The following CHLSN variants were observed in gnomAD, a reference collection of about 807,000 sequenced individuals.
CHLSN encodes the protein cholesin.
the CHLSN span, among the ~76,000 whole-genome samples, chr7:1,038,452 C>T: frequency 3.7e-5 from 3 of 81,228 alleles, no homozygotes; most frequent in Admixed American, 1.0e-4. Context: ...CCCCCCAACC[C>T]GGCCAGCCGC....
At chr7:1,100,925 C>T in the CHLSN span, among the ~76,000 whole-genome samples, 1 of 152,228 alleles carries the variant, frequency 6.6e-6, no homozygotes, top group Non-Finnish European at 1.5e-5. Context: ...CAGACGCAGG[C>T]ACAGAGCCCC....
chr7:1,020,038 G>A, the CHLSN span, among the ~76,000 whole-genome samples: 1 of 152,204 alleles, frequency 6.6e-6, no homozygotes, highest in Non-Finnish European at 1.5e-5. Flanking sequence ...GCAGGTGGCC[G>A]GCCCGTCCCC....
chr7:981,780 C>T, the CHLSN span, among the ~76,000 whole-genome samples: 1 of 152,124 alleles, frequency 6.6e-6, no homozygotes, highest in South Asian at 2.1e-4. Context: ...GCAATCCCAA[C>T]ACTTTGGGAG....
At chr7:1,131,042 T>C in the CHLSN span, among the ~76,000 whole-genome samples, 4 of 151,820 alleles carry the variant, frequency 2.6e-5, no homozygotes, top group African/African-American at 9.7e-5. Context: ...TTTTTAAAAA[T>C]TGGCTACGCT....
At chr7:999,716 C>T in the CHLSN span, among the ~76,000 whole-genome samples, 147 of 152,352 alleles carry the variant, frequency 9.6e-4, no homozygotes, top group African/African-American at 3.4e-3. Flanking sequence ...GAGAAAACCG[C>T]CCCCTGCCCC....
chr7:1,091,451 C>T, the CHLSN span: 2 of 448,162 alleles, frequency 4.5e-6, no homozygotes, highest in African/African-American at 2.0e-5. Context: ...TGCACGGTGG[C>T]CGACACCCGC....
chr7:1,121,583 C>T, the CHLSN span, among the ~76,000 whole-genome samples: 51 of 152,364 alleles, frequency 3.3e-4, no homozygotes, highest in African/African-American at 1.2e-3. Flanking sequence ...AGCCTCTACA[C>T]GCCGGTTCAA....
the CHLSN span, among the ~76,000 whole-genome samples, chr7:1,109,747 C>G: frequency 2.0e-5 from 3 of 152,086 alleles, no homozygotes; most frequent in East Asian, 5.8e-4. Flanking sequence ...CCGTGGGCGG[C>G]GGAGCCCTTC....
the CHLSN span, among the ~76,000 whole-genome samples, chr7:1,051,272 T>G: frequency 3.9e-5 from 6 of 152,332 alleles, no homozygotes; most frequent in African/African-American, 1.4e-4. Flanking sequence ...TGTGGAAATG[T>G]CACTTCTGTC....
At chr7:988,459 G>T in the CHLSN span, 11 of 1,609,840 alleles carry the variant, frequency 6.8e-6, no homozygotes, top group Non-Finnish European at 6.8e-6. Flanking sequence ...GCACCTCCAG[G>T]GCTCCAGGGG....
At chr7:1,096,517 G>A in the CHLSN span, among the ~76,000 whole-genome samples, 2 of 152,172 alleles carry the variant, frequency 1.3e-5, no homozygotes, top group South Asian at 2.1e-4. The surrounding 1 kb of genome is among the most constrained non-coding windows in gnomAD (Gnocchi z 4.6). Flanking sequence ...AGCCACACAC[G>A]CCCTTCTCAA....
chr7:1,081,489 G>A, the CHLSN span, among the ~76,000 whole-genome samples: 4 of 152,370 alleles, frequency 2.6e-5, no homozygotes, highest in Middle Eastern at 3.4e-3. Flanking sequence ...TTGGCACGGC[G>A]CAGGGGTGGC....
chr7:1,016,693 G>A, the CHLSN span, among the ~76,000 whole-genome samples: 1,480 of 70,388 alleles, frequency 0.021, 72 homozygotes, highest in Middle Eastern at 0.03. Flanking sequence ...GCACAGCAGC[G>A]CATGCCAGCA....
the CHLSN span, among the ~76,000 whole-genome samples, chr7:1,089,462 AGGCTCGAGTGCAGTGGTGTGATCTTGGC>A: frequency 1.0e-4 from 2 of 19,882 alleles, no homozygotes; most frequent in African/African-American, 1.1e-3. Flanking sequence ...ATCTCGGCTG[AGGCTCGAGTGCAGTGGTGTGATCTTGGC>A]TCACTGCAAC....
At chr7:1,009,623 C>T in the CHLSN span, among the ~76,000 whole-genome samples, 1 of 152,196 alleles carries the variant, frequency 6.6e-6, no homozygotes, top group East Asian at 1.9e-4. Flanking sequence ...TCCTCACCCC[C>T]ACGTCCAAGC....
At chr7:1,051,042 A>G in the CHLSN span, among the ~76,000 whole-genome samples, 4 of 152,140 alleles carry the variant, frequency 2.6e-5, no homozygotes, top group African/African-American at 9.7e-5. Context: ...AGCCCCGCAG[A>G]TGGCTGCTTA....
chr7:1,123,313 C>T, the CHLSN span, among the ~76,000 whole-genome samples: 2 of 152,232 alleles, frequency 1.3e-5, no homozygotes, highest in African/African-American at 2.4e-5. This position sits in a 1 kb window ranked among gnomAD's most constrained non-coding sequence, Gnocchi z 4.4. Context: ...TCAGAGTGCT[C>T]ATGCTGTGGG....
the CHLSN span, among the ~76,000 whole-genome samples, chr7:1,005,051 T>C: frequency 1.3e-5 from 2 of 152,138 alleles, no homozygotes; most frequent in African/African-American, 4.8e-5. Context: ...GCTGAGCACT[T>C]TGGGAGGCCG....
the CHLSN span, among the ~76,000 whole-genome samples, chr7:1,110,078 G>T: frequency 1.3e-5 from 2 of 152,046 alleles, no homozygotes; most frequent in African/African-American, 4.8e-5. Context: ...ACGCAAATCT[G>T]CCCCAAGCGC....
Sources: gnomAD v4.1 joint callset for allele counts (sites outside exome capture counted in the v4.1 genomes callset) on GRCh38, gnomAD v4.1.1 for gene constraint, Gnocchi (gnomAD v3.1) non-coding constraint, MANE v1.5 for transcripts, NCBI Gene and HGNC (gene_info 2026-07-23, HGNC 2026-07-21) for gene names.